Variants in PDXK observed in about 807,000 individuals in gnomAD.
PDXK encodes the protein pyridoxal kinase, also known as epididymis secretory sperm binding protein Li 1a.
A neutral mutation model predicts 43.2 loss-of-function variants in PDXK; 15 were observed. That is an observed-to-expected ratio of 0.35 (90% CI 0.23 to 0.53). The LOEUF is 0.53. Ranked by LOEUF, PDXK falls within the 20% of genes least tolerant of loss-of-function variation. The pLI, the probability that PDXK is intolerant of heterozygous loss-of-function variation, is 0.92. For synonymous variants in PDXK, 172 were observed against 165.4 expected, an observed-to-expected ratio of 1.04 and a Z score of -0.31; for missense variants, 343 against 417.0, an observed-to-expected ratio of 0.82 and a Z score of 1.54.
Position 43,732,422 on chromosome 21 carries a change from G to C in PDXK, c.88-1647G>C, listed in dbSNP as rs2083331552. ...GTCCAGACCAGCTTGCGATGCTGAT[G>C]AATAAGCTGATTTTGATGGGGTGTG... On this transcript the variant is annotated intron_variant, in intron 1 of 10. Transcript: ENST00000291565. The surrounding 1 kb of genome is among the most constrained non-coding windows in gnomAD (Gnocchi z 4.1). The C allele has an allele frequency of 6.2e-7, 1 of 1,612,856 alleles. No homozygotes were observed. Among genetic ancestry groups the C allele is most frequent in the Non-Finnish European group, 8.5e-7 (1 of 1,179,870 alleles).
In PDXK at chr21:43,753,573, C is replaced by T. The variant is rs758511237; in HGVS notation, c.623-10C>T. On this transcript the variant is annotated splice_polypyrimidine_tract_variant and intron_variant, in intron 8 of 10. Coordinates refer to ENST00000291565, the MANE Select transcript of PDXK (RefSeq NM_003681.5). ...AGATCTCAGTGACCTTGCCCATCTTCTCCCCCTAGGGAATCCCGCTGGCTC... is the reference window on the plus strand; with the variant it reads ...AGATCTCAGTGACCTTGCCCATCTTTTCCCCCTAGGGAATCCCGCTGGCTC... 8.7e-6 allele frequency: 14 copies of T among 1,604,962 alleles called. No individual in the cohort carries two copies. Among genetic ancestry groups the T allele is most frequent in the Non-Finnish European group, 1.2e-5 (14 of 1,173,706 alleles).
chr21:43,753,091 G>A (rs534455499), intron 8 of PDXK, among the ~76,000 whole-genome samples: 1 of 152,306 alleles, frequency 6.6e-6, no homozygotes, highest in Admixed American at 6.5e-5. Flanking sequence ...GAGCCTTGCA[G>A]GCACACACAT....
chr21:43,750,238 G>A (rs574545428), intron 6 of PDXK, among the ~76,000 whole-genome samples: 9 of 152,382 alleles, frequency 5.9e-5, no homozygotes, highest in East Asian at 1.9e-4. Flanking sequence ...AGTGGGGGCC[G>A]TGGCTGCTGT....
intron 1 of PDXK, among the ~76,000 whole-genome samples, chr21:43,728,434 C>G (rs2083275683): frequency 6.6e-6 from 1 of 152,160 alleles, no homozygotes; most frequent in African/African-American, 2.4e-5. Flanking sequence ...CAGCGCTCAC[C>G]CTGCTCTCCC....
chr21:43,755,582 G>C (rs921889843), intron 9 of PDXK, 116 bp from the exon 10 acceptor site: 1 of 881,906 alleles, frequency 1.1e-6, no homozygotes. Context: ...CCGGCTCCCC[G>C]GTGGCTCGGA....
rs374385244 is a variant in PDXK, at chr21:43,756,279, G to A, written c.*216G>A. 168 of 442,770 alleles carry A rather than the reference G, an allele frequency of 3.8e-4. No homozygotes were observed. Among genetic ancestry groups the A allele is most frequent in the African/African-American group, 3.2e-3 (159 of 49,676 alleles). The allele number at this position is 442,770 out of a possible 1,614,324, so 27.4% of individuals were successfully genotyped here. A position where few individuals can be genotyped will look rare whatever the true frequency, so the allele number is the denominator to read the frequency against. Reference sequence around the variant, plus strand: ...CAGAAATTTGTGATCTGAAAACCCGGCTCCCTTCCCCACAAGGCTCCTGGG... The same window carrying A: ...CAGAAATTTGTGATCTGAAAACCCGACTCCCTTCCCCACAAGGCTCCTGGG... On this transcript the variant is annotated 3_prime_UTR_variant, in exon 11 of 11. Transcript: ENST00000291565.
At chr21:43,727,832 G>T (rs2083269734) in intron 1 of PDXK, among the ~76,000 whole-genome samples, 1 of 152,232 alleles carries the variant, frequency 6.6e-6, no homozygotes, top group South Asian at 2.1e-4. Flanking sequence ...TGCACGCTGT[G>T]GGGGTGGACG....
At chr21:43,747,350 C>T (rs1438852154) in intron 5 of PDXK, among the ~76,000 whole-genome samples, 1 of 152,278 alleles carries the variant, frequency 6.6e-6, no homozygotes, top group Admixed American at 6.5e-5. Flanking sequence ...ATTTCAGTAT[C>T]TGCCTTCTTT....
Position 43,719,215 on chromosome 21 carries a change from C to A in PDXK, c.-80C>A. On this transcript the variant is annotated 5_prime_UTR_variant, in exon 1 of 11. Coordinates refer to ENST00000291565, the MANE Select transcript of PDXK (RefSeq NM_003681.5). The stretch of plus-strand genomic sequence containing the variant: ...AGGGGAGCCGGGGCCGGAGCCCGAG[C>A]CCGAGCCGAGCCGGAGCCCGAGCGA... 2.5e-6 allele frequency: 2 copies of A among 784,762 alleles called. No homozygotes were observed. Among genetic ancestry groups the A allele is most frequent in the Non-Finnish European group, 3.5e-6 (2 of 579,266 alleles). The allele number at this position is 784,762 out of a possible 1,614,324, so 48.6% of individuals were successfully genotyped here.
chr21:43,750,136 G>C (rs956599768), intron 6 of PDXK, among the ~76,000 whole-genome samples: 1 of 152,238 alleles, frequency 6.6e-6, no homozygotes, highest in African/African-American at 2.4e-5. Flanking sequence ...AGCCATGGGT[G>C]GCCCATGCGT....
Position 43,762,210 on chromosome 21 carries a change from T to G in PDXK, c.*6147T>G, listed in dbSNP as rs907442929. 1 of 152,470 alleles carries G rather than the reference T, an allele frequency of 6.6e-6. No individual in the cohort carries two copies. The highest frequency in any genetic ancestry group is 2.1e-4 in the South Asian group (1 of 4,830). 9.4% of individuals were successfully genotyped at this position (152,470 alleles called of 1,614,324 possible). ...TGTGCCATGTGGATGTTTGTGAGCC[T>G]CGGTCCTACAGCACTGTGTAGGCTG... On this transcript the variant is annotated 3_prime_UTR_variant, in exon 11 of 11. Transcript: ENST00000291565.
chr21:43,734,559 G>A lies in PDXK; in HGVS notation c.142+436G>A, dbSNP rs1568977326. Among the ~76,000 whole-genome samples, 1 of 152,172 alleles carries A rather than the reference G, an allele frequency of 6.6e-6. No homozygotes were observed. Among genetic ancestry groups the A allele is most frequent in the Non-Finnish European group, 1.5e-5 (1 of 68,020 alleles). ...CACCTGCCTCCTGGAGCTGAGGAGGGTCCCCCATGGGGTGGTCGTGCTGGG... is the reference window on the plus strand; with the variant it reads ...CACCTGCCTCCTGGAGCTGAGGAGGATCCCCCATGGGGTGGTCGTGCTGGG... On this transcript the variant is annotated intron_variant, in intron 2 of 10. Transcript: ENST00000291565. This position sits in a 1 kb window ranked among gnomAD's most constrained non-coding sequence, Gnocchi z 5.0.
Position 43,734,798 on chromosome 21 carries a change from G to T in PDXK, c.142+675G>T, listed in dbSNP as rs1205306569. ...GCGTGGAGTCCCCCCTCCTCTCTGT[G>T]GTTTCTATACTGCTTCGTCGGCAGG... On this transcript the variant is annotated intron_variant, in intron 2 of 10. Transcript: ENST00000291565. The surrounding 1 kb of genome is among the most constrained non-coding windows in gnomAD (Gnocchi z 5.0). Among the ~76,000 whole-genome samples, 1 of 152,110 alleles carries T rather than the reference G, an allele frequency of 6.6e-6. No homozygotes were observed. The highest frequency in any genetic ancestry group is 1.5e-5 in the Non-Finnish European group (1 of 68,012).
At chr21:43,730,800 T>TAAA (rs2083308073) in intron 1 of PDXK, among the ~76,000 whole-genome samples, 1 of 151,818 alleles carries the variant, frequency 6.6e-6, no homozygotes, top group Admixed American at 6.6e-5. Flanking sequence ...CAAAAAAATA[T>TAAA]AAAAATTAGC....
At chr21:43,728,781 G>A in intron 1 of PDXK, 1 of 985,764 alleles carries the variant, frequency 1.0e-6, no homozygotes, top group Non-Finnish European at 1.2e-6. Context: ...TGTGTCGCGG[G>A]CGGCAGGGGG....
At chr21:43,733,194 C>T (rs978556649) in intron 1 of PDXK, among the ~76,000 whole-genome samples, 1 of 151,708 alleles carries the variant, frequency 6.6e-6, no homozygotes, top group African/African-American at 2.4e-5. Flanking sequence ...CATCACAAAG[C>T]AAAGCCCACC....
rs1299940634 is a variant in PDXK at position 43,754,613 on chromosome 21, A to T, written c.759+894A>T. Among the ~76,000 whole-genome samples, 1 of 152,016 alleles carries T rather than the reference A, an allele frequency of 6.6e-6. No homozygotes were observed. The highest frequency in any genetic ancestry group is 2.4e-5 in the African/African-American group (1 of 41,404). ...CCCAAAACTCCCCTGGGTACTTCCC[A>T]CTGCGTCCGCAGTGGGTTCAGGTGG... On this transcript the variant is annotated intron_variant, in intron 9 of 10. Transcript: ENST00000291565. The surrounding 1 kb of genome is among the most constrained non-coding windows in gnomAD (Gnocchi z 5.5).
intron 7 of PDXK, among the ~76,000 whole-genome samples, 154 bp from the exon 8 acceptor site, chr21:43,752,361 TGCC>T (rs2083768461): frequency 6.6e-6 from 1 of 151,910 alleles, no homozygotes. Context: ...CCTCCGGGAG[TGCC>T]GCCATTGGGA....
rs1335435861 is a variant in PDXK, at chr21:43,761,039, A to T, written c.*4976A>T. On this transcript the variant is annotated 3_prime_UTR_variant, in exon 11 of 11. Transcript: ENST00000291565. ...AGTTTAGATGACTGGTCAATATCTTAAAAATGTATATTAGTAAGAAGTTCT... is the reference window on the plus strand; with the variant it reads ...AGTTTAGATGACTGGTCAATATCTTTAAAATGTATATTAGTAAGAAGTTCT... 2 of 152,232 alleles carry T rather than the reference A, an allele frequency of 1.3e-5. No homozygotes were observed. Among genetic ancestry groups the T allele is most frequent in the African/African-American group, 2.4e-5 (1 of 41,462 alleles). The allele number at this position is 152,232 out of a possible 1,614,324, so 9.4% of individuals were successfully genotyped here. A position where few individuals can be genotyped will look rare whatever the true frequency, so the allele number is the denominator to read the frequency against.
Sources: gnomAD v4.1 joint callset for allele counts (sites outside exome capture counted in the v4.1 genomes callset) on GRCh38, gnomAD v4.1.1 for gene constraint, Gnocchi (gnomAD v3.1) non-coding constraint, MANE v1.5 for transcripts, NCBI Gene and HGNC (gene_info 2026-07-23, HGNC 2026-07-21) for gene names.